The following VIRMA variants were observed in gnomAD, a reference collection of about 807,000 sequenced individuals.
VIRMA encodes protein virilizer homolog.
Under a neutral mutation model 182.4 loss-of-function variants are expected in VIRMA, and 65 were observed. That is an observed-to-expected ratio of 0.36 (90% CI 0.29 to 0.44). The LOEUF is 0.44. Among genes scored for constraint, VIRMA ranks in the 20% least tolerant of loss-of-function variants. The pLI is 1.00. For missense variants in VIRMA, 1,752 were observed against 2,158.1 expected, an observed-to-expected ratio of 0.81 and a Z score of 3.73; for synonymous variants, 709 against 743.1, an observed-to-expected ratio of 0.95 and a Z score of 0.75.
chr8:94,505,521 A>G (rs1814125524), intron 16 of VIRMA, among the ~76,000 whole-genome samples: 1 of 151,738 alleles, frequency 6.6e-6, no homozygotes, highest in Middle Eastern at 3.2e-3. Flanking sequence ...TGCCCCGACT[A>G]GACTGCAGTG....
At chr8:94,497,644 C>T (rs1813826165) in intron 17 of VIRMA, 1 of 152,042 alleles carries the variant, frequency 6.6e-6, no homozygotes, top group Admixed American at 6.6e-5. Flanking sequence ...TCGAGTGATC[C>T]ACCCACCTTG....
chr8:94,514,299 T>C (rs144078765), intron 11 of VIRMA, among the ~76,000 whole-genome samples: 6 of 152,336 alleles, frequency 3.9e-5, no homozygotes, highest in African/African-American at 1.4e-4. Flanking sequence ...CCAAGACTAA[T>C]AAACACTGCT....
Position 94,514,945 on chromosome 8 carries a change from C to T in VIRMA, c.2675G>A (p.Gly892Asp). The T allele has an allele frequency of 6.5e-7, 1 of 1,536,454 alleles. No individual in the cohort carries two copies. Among genetic ancestry groups the T allele is most frequent in the Non-Finnish European group, 8.9e-7 (1 of 1,128,800 alleles). ...DENNAKLQEL[G>D]KWLEPLKNLR... ...GTTTTTCAGAGGTTCAAGCCACTTG[C>T]CAAGTTCTTAAAAAGAAAAATAATT... Residue 892 changes from glycine to aspartate, a missense_variant, in exon 11 of 24, where the codon GGC (glycine) becomes GAC (aspartate). Physicochemically the swap from Gly to Asp is moderately conservative, Grantham distance 94 (BLOSUM62 -1). This residue lies in a region of VIRMA where 777 missense variants were observed against 920.6 expected (regional missense o/e 0.84). Coordinates refer to ENST00000297591, the MANE Select transcript of VIRMA (RefSeq NM_015496.5).
Position 94,496,696 on chromosome 8 carries a change from A to G in VIRMA, c.4231-216T>C, listed in dbSNP as rs74885426. The G allele has an allele frequency of 5.9e-4, 242 of 413,114 alleles. 3 individuals are homozygous for G. Among genetic ancestry groups the G allele is most frequent in the African/African-American group, 4.4e-3 (216 of 49,004 alleles). 25.6% of individuals were successfully genotyped at this position (413,114 alleles called of 1,614,324 possible). ...AAAATATTTAAATAAGCAAACATAT[A>G]TTTTACTGGCACCAAGACTTTTCAA... On this transcript the variant is annotated intron_variant, in intron 17 of 23. Transcript: ENST00000297591.
chr8:94,538,650 C>G (rs1352401997), intron 2 of VIRMA, among the ~76,000 whole-genome samples: 1 of 151,838 alleles, frequency 6.6e-6, no homozygotes, highest in East Asian at 1.9e-4. Context: ...CTCTTGTTAC[C>G]CAAGCTGGAG....
Position 94,526,256 on chromosome 8 carries a change from G to C in VIRMA, c.1988C>G (p.Pro663Arg). The C allele has an allele frequency of 6.2e-7, 1 of 1,613,378 alleles. No homozygotes were observed. Among genetic ancestry groups the C allele is most frequent in the Non-Finnish European group, 8.5e-7 (1 of 1,179,610 alleles). Residue 663 changes from proline (P) to arginine (R), a missense_variant, in exon 8 of 24, where the codon CCA becomes CGA. Physicochemically the swap from Pro to Arg is moderately radical, Grantham distance 103. Coordinates refer to ENST00000297591, the MANE Select transcript of VIRMA (RefSeq NM_015496.5). Reference protein sequence around the residue: ...FPTMARITGPPERDDPYPVLF... With the variant: ...FPTMARITGPRERDDPYPVLF... ...AACAGGGTATGGATCATCCCTCTCTGGAGGTCCAGTAATTCGTGCCATCGT... is the reference window on the plus strand; with the variant it reads ...AACAGGGTATGGATCATCCCTCTCTCGAGGTCCAGTAATTCGTGCCATCGT...
chr8:94,507,704 A>G (rs971924645), intron 15 of VIRMA, among the ~76,000 whole-genome samples: 4 of 151,934 alleles, frequency 2.6e-5, no homozygotes, highest in African/African-American at 9.7e-5. Context: ...CACTGAGCCA[A>G]GACTGTGCCA....
intron 16 of VIRMA, among the ~76,000 whole-genome samples, chr8:94,503,719 T>G (rs752264269): frequency 6.6e-6 from 1 of 152,138 alleles, no homozygotes; most frequent in Non-Finnish European, 1.5e-5. Flanking sequence ...AAGTGTAAGG[T>G]GGGTGAAGGG....
intron 7 of VIRMA, among the ~76,000 whole-genome samples, chr8:94,528,449 C>A (rs1299084073): frequency 6.6e-6 from 1 of 152,014 alleles, no homozygotes; most frequent in Non-Finnish European, 1.5e-5. Flanking sequence ...AGAAAAAAGC[C>A]AAGGCAGATT....
chr8:94,526,477 G>A lies in VIRMA; in HGVS notation c.1767C>T (p.Asp589=). 1 of 1,613,902 alleles carries A rather than the reference G, an allele frequency of 6.2e-7. No individual in the cohort carries two copies. The highest frequency in any genetic ancestry group is 8.5e-7 in the Non-Finnish European group (1 of 1,179,972). ...TTGTTCTCTCAAGTCCAGCATCTGT[G>A]TCGTGATCAGGTTCACTGTGGTTAG... is the stretch of plus-strand genomic sequence containing the variant. ...SLPNHSEPDH[D]TDAGLERTNP... The change falls in exon 8 of 24, where the codon GAC becomes GAT. Residue 589 remains aspartate, a synonymous_variant. Coordinates refer to ENST00000297591, the MANE Select transcript of VIRMA (RefSeq NM_015496.5).
chr8:94,497,130 C>T (rs749292781), intron 17 of VIRMA: 5 of 152,168 alleles, frequency 3.3e-5, no homozygotes, highest in Admixed American at 6.5e-5. Flanking sequence ...GACAGGGTCT[C>T]GCTATGTCAC....
chr8:94,496,459 C>T lies in VIRMA; in HGVS notation c.4252G>A (p.Gly1418Ser). Residue 1418 changes from glycine to serine, a missense_variant, in exon 18 of 24, where the codon GGT becomes AGT. Physicochemically the swap from Gly to Ser is moderately conservative, Grantham distance 56 (BLOSUM62 0). Coordinates refer to ENST00000297591, the MANE Select transcript of VIRMA (RefSeq NM_015496.5). ...TGAGCTCCCTCTACTTCCATGAGAC[C>T]ATTATCATCTCCACAGCATCCCTGT... is the stretch of plus-strand genomic sequence containing the variant. Reference protein sequence around the residue: ...DTIGCCGDDNGLMEVEGAHTS... With the variant: ...DTIGCCGDDNSLMEVEGAHTS... The T allele has an allele frequency of 1.2e-6, 2 of 1,611,946 alleles. No homozygotes were observed. The highest frequency in any genetic ancestry group is 1.7e-6 in the Non-Finnish European group (2 of 1,179,114).
In VIRMA at chr8:94,529,333, T is replaced by A. The variant is rs199741865; in HGVS notation, c.617A>T (p.Asp206Val). ...TCTATGAGGAGCATCCTCTTCCTTG[T>A]CACCAGACACTGAAAAATTGAGATT... is the stretch of plus-strand genomic sequence containing the variant. ...DDPVPLPVSG[D>V]KEEDAPHRED... The change falls in exon 7 of 24, where the codon GAC becomes GTC. Residue 206 changes from aspartate (D) to valine (V), a missense_variant. By Grantham distance (152) the Asp-to-Val change is radical. This residue lies in a region of VIRMA where 114 missense variants were observed against 106.9 expected (regional missense o/e 1.07). Coordinates refer to ENST00000297591, the MANE Select transcript of VIRMA (RefSeq NM_015496.5). The A allele has an allele frequency of 4.4e-5, 70 of 1,597,426 alleles. No homozygotes were observed. The highest frequency in any genetic ancestry group is 5.6e-5 in the Non-Finnish European group (65 of 1,165,364).
At chr8:94,536,896 G>A (rs767333214) in intron 4 of VIRMA, among the ~76,000 whole-genome samples, 8 of 152,064 alleles carry the variant, frequency 5.3e-5, no homozygotes, top group African/African-American at 9.7e-5. Context: ...GGAGAATGGC[G>A]TGAACCTGGG....
intron 12 of VIRMA, 72 bp downstream of exon 12, chr8:94,511,924 C>T: frequency 1.2e-6 from 1 of 831,874 alleles, no homozygotes; most frequent in Non-Finnish European, 1.7e-6. Context: ...TAATAATTAA[C>T]TAAATATTTA....
chr8:94,512,138 G>T, intron 11 of VIRMA, 49 bp from the exon 12 acceptor site: 3 of 885,642 alleles, frequency 3.4e-6, no homozygotes, highest in Non-Finnish European at 4.8e-6. Context: ...GTACCCATGA[G>T]ATCAACAGAA....
chr8:94,511,919 A>C, intron 12 of VIRMA, 77 bp downstream of exon 12: 2 of 807,004 alleles, frequency 2.5e-6, no homozygotes, highest in Non-Finnish European at 3.5e-6. Context: ...ATGTTTAATA[A>C]TTAACTAAAT....
At chr8:94,524,516 G>A (rs757156715) in intron 8 of VIRMA, among the ~76,000 whole-genome samples, 4 of 151,854 alleles carry the variant, frequency 2.6e-5, no homozygotes, top group Non-Finnish European at 5.9e-5. Context: ...TGTTGGTCAG[G>A]CTGGTCTCGA....
intron 8 of VIRMA, among the ~76,000 whole-genome samples, chr8:94,520,721 T>G (rs746698702): frequency 6.6e-6 from 1 of 152,128 alleles, no homozygotes; most frequent in Admixed American, 6.6e-5. Context: ...GACTGGAGCA[T>G]CCTTGGATTT....
Sources: gnomAD v4.1 joint callset for allele counts (sites outside exome capture counted in the v4.1 genomes callset) on GRCh38, gnomAD v4.1.1 for gene constraint, gnomAD v4.1.1 regional missense constraint, MANE v1.5 for transcripts, NCBI Gene and HGNC (gene_info 2026-07-23, HGNC 2026-07-21) for gene names.